The following DPH6 variants were observed in gnomAD, a reference collection of about 807,000 sequenced individuals.
The protein encoded by DPH6 is diphthine--ammonia ligase.
A neutral mutation model predicts 38.2 loss-of-function variants in DPH6; 33 were observed. The observed-to-expected ratio is 0.86, with a 90% CI of 0.65 to 1.15. DPH6 has a LOEUF of 1.15. Ranked by LOEUF, DPH6 falls within the 50% of genes most tolerant of loss-of-function variation. DPH6 has a pLI of 0.00. For synonymous variants in DPH6, 108 were observed against 103.0 expected, an observed-to-expected ratio of 1.05 and a Z score of -0.30; for missense variants, 325 against 320.0, an observed-to-expected ratio of 1.02 and a Z score of -0.12.
chr15:35,374,620 T>G (rs912018861), intron 7 of DPH6, among the ~76,000 whole-genome samples: 1 of 152,132 alleles, frequency 6.6e-6, no homozygotes, highest in African/African-American at 2.4e-5. Context: ...TTATCATTCA[T>G]GAACCTTTAG....
the DPH6 span, among the ~76,000 whole-genome samples, chr15:35,153,037 G>C: frequency 1.1e-4 from 16 of 152,180 alleles, no homozygotes; most frequent in Non-Finnish European, 2.1e-4. Context: ...GCAAAGAAAG[G>C]CTTTTATATT....
At chr15:35,328,431 G>C (rs2140856902), downstream of DPH6, among the ~76,000 whole-genome samples, 1 of 152,160 alleles carries the variant, frequency 6.6e-6, no homozygotes, top group East Asian at 1.9e-4. Context: ...AACGTTGTGA[G>C]TACAGAAAAT....
chr15:35,533,753 G>A (rs563743293), intron 3 of DPH6, among the ~76,000 whole-genome samples: 19 of 151,318 alleles, frequency 1.3e-4, no homozygotes, highest in African/African-American at 4.4e-4. Context: ...CAGAAGGAAA[G>A]AACCAATGAA....
intron 3 of DPH6, among the ~76,000 whole-genome samples, chr15:35,261,667 T>C (rs967310507): frequency 1.3e-5 from 2 of 152,050 alleles, no homozygotes; most frequent in African/African-American, 2.4e-5. Context: ...ACCTCATCTC[T>C]ACCAAAAATT....
intron 3 of DPH6, chr15:35,298,824 A>G (rs2052033169): frequency 4.7e-6 from 5 of 1,070,420 alleles, no homozygotes; most frequent in Non-Finnish European, 1.5e-6. Flanking sequence ...ACACTGGGGG[A>G]GGAATGGCAG....
At chr15:35,377,938 T>C (rs1941901317) in intron 7 of DPH6, among the ~76,000 whole-genome samples, 1 of 152,006 alleles carries the variant, frequency 6.6e-6, no homozygotes, top group South Asian at 2.1e-4. Context: ...GGTGCAATTA[T>C]AGATGACTGC....
chr15:35,215,229 C>A (rs2051404982), downstream of DPH6, among the ~76,000 whole-genome samples: 1 of 152,078 alleles, frequency 6.6e-6, no homozygotes, highest in African/African-American at 2.4e-5. Flanking sequence ...GTCAAGAGTC[C>A]CTAACAAATA....
intron 3 of DPH6, among the ~76,000 whole-genome samples, chr15:35,279,068 A>AAAAAAAAAAAAAAAATAAATATAT (rs1555390826): frequency 1.9e-5 from 2 of 102,992 alleles, no homozygotes; most frequent in Non-Finnish European, 3.5e-5. Flanking sequence ...AAAAAAAAAA[A>AAAAAAAAAAAAAAAATAAATATAT]ATATATATAT....
chr15:35,343,542 A>G (rs1299173486), intron 3 of DPH6, among the ~76,000 whole-genome samples: 1 of 152,042 alleles, frequency 6.6e-6, no homozygotes, highest in Non-Finnish European at 1.5e-5. Flanking sequence ...TAGGTACATC[A>G]TTGTCTTATT....
intron 3 of DPH6, among the ~76,000 whole-genome samples, chr15:35,459,932 A>G (rs543019270): frequency 5.3e-5 from 8 of 152,306 alleles, no homozygotes; most frequent in Non-Finnish European, 1.5e-5. Context: ...ATACTATTAA[A>G]CTGATTTCAT....
chr15:35,478,630 C>T (rs761976455), intron 3 of DPH6, among the ~76,000 whole-genome samples: 2 of 151,898 alleles, frequency 1.3e-5, no homozygotes, highest in Non-Finnish European at 2.9e-5. Context: ...GAACTCAATG[C>T]AATTTCATCC....
intron 3 of DPH6, among the ~76,000 whole-genome samples, chr15:35,354,511 A>C (rs993869430): frequency 6.6e-6 from 1 of 152,158 alleles, no homozygotes; most frequent in Non-Finnish European, 1.5e-5. Flanking sequence ...ATTTTGTCAA[A>C]GGCTTTTTCT....
chr15:35,237,283 T>C lies in DPH6; in HGVS notation n.201-16701A>G, dbSNP rs529274879. Reference sequence around the variant, plus strand: ...CTAAAACGCGCGGCCGTGTTATTGATTGAATTCCAGCGGCGCGGGAGCCTC... The same window carrying C: ...CTAAAACGCGCGGCCGTGTTATTGACTGAATTCCAGCGGCGCGGGAGCCTC... On this transcript the variant is annotated intron_variant and non_coding_transcript_variant, in intron 3 of 3. Coordinates refer to the DPH6 transcript ENST00000560386. 19 of 1,533,822 alleles carry C rather than the reference T, an allele frequency of 1.2e-5. No individual in the cohort carries two copies. The African/African-American group carries it at 2.0e-4, about 17-fold the overall frequency.
At chr15:35,482,160 C>A (rs1308133370) in intron 3 of DPH6, among the ~76,000 whole-genome samples, 1 of 152,188 alleles carries the variant, frequency 6.6e-6, no homozygotes, top group Non-Finnish European at 1.5e-5. Context: ...GCAGCATTGT[C>A]TGTAACAACT....
chr15:35,481,359 TAGA>T (rs967049369), intron 3 of DPH6, among the ~76,000 whole-genome samples: 2 of 152,020 alleles, frequency 1.3e-5, no homozygotes, highest in African/African-American at 4.8e-5. Flanking sequence ...AAAAGGATTT[TAGA>T]AGAAGGAAAG....
At chr15:35,369,359 G>A (rs1460351277), downstream of DPH6, among the ~76,000 whole-genome samples, 3 of 151,726 alleles carry the variant, frequency 2.0e-5, no homozygotes, top group African/African-American at 7.3e-5. Context: ...ATGTTAATTC[G>A]TTAAGATGCA....
At chr15:35,233,846 T>A (rs1173632618) in intron 3 of DPH6, among the ~76,000 whole-genome samples, 1 of 152,244 alleles carries the variant, frequency 6.6e-6, no homozygotes, top group Non-Finnish European at 1.5e-5. Flanking sequence ...TTGTCTTTAA[T>A]GCAGATCTTT....
At chr15:35,468,252 T>G (rs903878805) in intron 3 of DPH6, among the ~76,000 whole-genome samples, 1 of 152,198 alleles carries the variant, frequency 6.6e-6, no homozygotes, top group Non-Finnish European at 1.5e-5. Flanking sequence ...TAATTTCATT[T>G]TACAGAAGAG....
chr15:35,327,340 T>G (rs949413389), downstream of DPH6, among the ~76,000 whole-genome samples: 1 of 148,904 alleles, frequency 6.7e-6, no homozygotes, highest in African/African-American at 2.5e-5. Flanking sequence ...AGGTTCCTTT[T>G]TTTTTTTTTT....
Sources: gnomAD v4.1 joint callset for allele counts (sites outside exome capture counted in the v4.1 genomes callset) on GRCh38, gnomAD v4.1.1 for gene constraint, MANE v1.5 for transcripts, NCBI Gene and HGNC (gene_info 2026-07-23, HGNC 2026-07-21) for gene names.